HHAT: variants seen among roughly 807,000 people sequenced by gnomAD.
HHAT encodes protein-cysteine N-palmitoyltransferase HHAT.
HHAT carries 47 observed loss-of-function variants against 70.8 expected under a neutral mutation model. That is an observed-to-expected ratio of 0.66 (90% CI 0.53 to 0.85). HHAT has a LOEUF of 0.85. Ranked by LOEUF, HHAT falls within the 40% of genes least tolerant of loss-of-function variation. The pLI, the probability that HHAT is intolerant of heterozygous loss-of-function variation, is 0.00. For missense variants in HHAT, 609 were observed against 604.8 expected (o/e 1.01, Z -0.07); for synonymous variants, 228 against 247.6 (o/e 0.92, Z 0.74).
chr1:210,614,554 C>T (rs769223587), intron 10 of HHAT, among the ~76,000 whole-genome samples: 1 of 152,084 alleles, frequency 6.6e-6, no homozygotes, highest in Non-Finnish European at 1.5e-5. Context: ...AATGCTATCC[C>T]TCTCCCCTCC....
At chr1:210,340,452 A>G (rs2085943249) in intron 1 of HHAT, among the ~76,000 whole-genome samples, 1 of 151,890 alleles carries the variant, frequency 6.6e-6, no homozygotes, top group Non-Finnish European at 1.5e-5. Context: ...CTACTATTTC[A>G]TTTTCTTTAA....
At chr1:210,429,074 C>A (rs1361034586) in intron 7 of HHAT, among the ~76,000 whole-genome samples, 2 of 151,768 alleles carry the variant, frequency 1.3e-5, no homozygotes, top group Non-Finnish European at 2.9e-5. Flanking sequence ...TATCATATCA[C>A]CTATGAAGTC....
intron 10 of HHAT, among the ~76,000 whole-genome samples, chr1:210,593,534 T>C (rs1054206941): frequency 6.6e-6 from 1 of 152,304 alleles, no homozygotes; most frequent in Admixed American, 6.5e-5. Context: ...TCAGAGAAGA[T>C]AGTGGATATC....
chr1:210,530,046 C>G (rs1201665783), intron 9 of HHAT, among the ~76,000 whole-genome samples: 1 of 152,172 alleles, frequency 6.6e-6, no homozygotes, highest in African/African-American at 2.4e-5. Context: ...CTTGAGGTAA[C>G]TGGATAAAGT....
At chr1:210,575,465 A>G (rs931245112) in intron 9 of HHAT, among the ~76,000 whole-genome samples, 9 of 152,174 alleles carry the variant, frequency 5.9e-5, no homozygotes, top group African/African-American at 1.7e-4. Flanking sequence ...TCTGTTTTAT[A>G]TGGTGTTTAT....
chr1:210,469,865 T>A (rs1472722643), intron 8 of HHAT, among the ~76,000 whole-genome samples: 1 of 152,068 alleles, frequency 6.6e-6, no homozygotes, highest in Non-Finnish European at 1.5e-5. Flanking sequence ...GGGATACATG[T>A]GCTGAATGTG....
In HHAT at chr1:210,383,368, A is replaced by G. The variant is rs184883333; in HGVS notation, c.160-4100A>G. Among the ~76,000 whole-genome samples the G allele has an allele frequency of 3.9e-5, 6 of 152,320 alleles. No individual in the cohort carries two copies. In the East Asian group the frequency reaches 9.7e-4, roughly 25 times the overall value. On this transcript the variant is annotated intron_variant, in intron 3 of 11. Transcript: ENST00000261458. ...AGAGCTTCAAATCACTGACGAAATAAAAAGAAAAAAACCCAAAACTTATTT... is the reference window on the plus strand; with the variant it reads ...AGAGCTTCAAATCACTGACGAAATAGAAAGAAAAAAACCCAAAACTTATTT...
rs1229919489 is a variant in HHAT, at chr1:210,496,034, A to AG, written c.1008-17119_1008-17118insG. ...TCAAAAAAAAAAAAAAAAAAAAGAA[A>AG]AAGAAAATGGAGTAGAAAATATCAG... On this transcript the variant is annotated intron_variant, in intron 8 of 11. Coordinates refer to ENST00000261458, the MANE Select transcript of HHAT (RefSeq NM_018194.6). 8.3e-3 allele frequency among the ~76,000 whole-genome samples: 1,233 copies of AG among 148,804 alleles called. 114 individuals carry two copies. In the East Asian group the frequency reaches 0.19, roughly 23 times the overall value.
chr1:210,335,318 GA>G (rs11371332), intron 1 of HHAT, among the ~76,000 whole-genome samples: 113 of 145,700 alleles, frequency 7.8e-4, no homozygotes, highest in African/African-American at 1.3e-3. Flanking sequence ...CATTCATGAT[GA>G]AAAAAAAAAA....
At chr1:210,391,844 C>T (rs764361309) in intron 4 of HHAT, among the ~76,000 whole-genome samples, 1 of 152,124 alleles carries the variant, frequency 6.6e-6, no homozygotes, top group Non-Finnish European at 1.5e-5. Flanking sequence ...GAGGGGCCTA[C>T]CCTACAGCCA....
chr1:210,335,286 G>A (rs1381112760), intron 1 of HHAT, among the ~76,000 whole-genome samples: 1 of 147,280 alleles, frequency 6.8e-6, no homozygotes, highest in East Asian at 2.1e-4. Flanking sequence ...AGGAGAAAAA[G>A]TATTTGATAC....
At chr1:210,386,683 C>T (rs11119479) in intron 3 of HHAT, among the ~76,000 whole-genome samples, 19,048 of 152,172 alleles carry the variant, frequency 0.13, 1,264 homozygotes, top group Non-Finnish European at 0.16. Context: ...CATCTCTCCA[C>T]GCTCCTCTTG....
chr1:210,615,706 A>G (rs562485554), intron 10 of HHAT, among the ~76,000 whole-genome samples: 1 of 152,378 alleles, frequency 6.6e-6, no homozygotes, highest in South Asian at 2.1e-4. Context: ...GGTCCACTCC[A>G]GACCCTGTTT....
At chr1:210,529,199 G>T (rs1474414965) in intron 9 of HHAT, among the ~76,000 whole-genome samples, 2 of 152,176 alleles carry the variant, frequency 1.3e-5, no homozygotes, top group East Asian at 1.9e-4. Flanking sequence ...CAGCTACTTG[G>T]GAGGTTGAGG....
At chr1:210,399,229 C>T (rs934555594) in intron 4 of HHAT, among the ~76,000 whole-genome samples, 1 of 152,000 alleles carries the variant, frequency 6.6e-6, no homozygotes, top group African/African-American at 2.4e-5. Context: ...TGTGTATCCA[C>T]CCCATGAAGG....
chr1:210,523,616 G>T (rs112124936), intron 9 of HHAT, among the ~76,000 whole-genome samples: 3 of 144,688 alleles, frequency 2.1e-5, no homozygotes, highest in Non-Finnish European at 3.1e-5. Context: ...GTGTGTGTGC[G>T]CGCGCACACG....
chr1:210,635,722 A>G (rs74158957), intron 11 of HHAT, among the ~76,000 whole-genome samples: 4,112 of 152,278 alleles, frequency 0.027, 182 homozygotes, highest in African/African-American at 0.094. Context: ...GTAGCTCATT[A>G]TAGATTAATT....
chr1:210,374,756 G>A (rs555811723), intron 3 of HHAT, among the ~76,000 whole-genome samples: 1 of 139,330 alleles, frequency 7.2e-6, no homozygotes, highest in East Asian at 2.0e-4. Flanking sequence ...CTTCCCCAGT[G>A]GGGAATCTTT....
intron 2 of HHAT, among the ~76,000 whole-genome samples, chr1:210,355,157 A>C (rs1280726511): frequency 6.6e-6 from 1 of 152,072 alleles, no homozygotes; most frequent in Non-Finnish European, 1.5e-5. Context: ...ATTTTGGTTT[A>C]TGTATTTTAT....
Sources: gnomAD v4.1 joint callset for allele counts (sites outside exome capture counted in the v4.1 genomes callset) on GRCh38, gnomAD v4.1.1 for gene constraint, MANE v1.5 for transcripts, NCBI Gene and HGNC (gene_info 2026-07-23, HGNC 2026-07-21) for gene names.